The following FAM170A variants were observed in gnomAD, a reference collection of about 807,000 sequenced individuals.
FAM170A encodes the protein protein FAM170A.
A neutral mutation model predicts 36.6 loss-of-function variants in FAM170A; 28 were observed. The ratio of observed to expected loss-of-function variants is 0.76; its 90% CI spans 0.57 to 1.05. The LOEUF (loss-of-function observed/expected upper bound fraction) is 1.05. Among genes scored for constraint, FAM170A ranks in the 50% least tolerant of loss-of-function variants. FAM170A has a pLI of 0.00. For synonymous variants in FAM170A, 156 were observed against 143.9 expected, an observed-to-expected ratio of 1.08 and a Z score of -0.60; for missense variants, 434 against 396.5, an observed-to-expected ratio of 1.09 and a Z score of -0.80.
rs1756284274 is a variant in FAM170A, at chr5:119,632,854, C to T, written c.177C>T (p.Ser59=). The T allele has an allele frequency of 2.5e-6, 4 of 1,611,962 alleles. No individual in the cohort carries two copies. In the East Asian group the frequency reaches 8.9e-5, roughly 36 times the overall value. ...TTACTTCTACCTCCGAATACTGCTC[C>T]TGCGTTTCTTCTTCACGCAAGCTCA... Residue 59 remains serine (S), a synonymous_variant, in exon 2 of 5, where the codon TCC becomes TCT. Coordinates refer to ENST00000613773, the Ensembl canonical transcript of FAM170A.
chr5:119,632,759 T>A (rs1756280882), exon 2 of FAM170A: 1 of 1,601,138 alleles, frequency 6.2e-7, no homozygotes, highest in Admixed American at 1.7e-5. Flanking sequence ...AATGTCAAAG[T>A]CCCAAGAGGA....
intron 2 of FAM170A, 148 bp from the exon 3 acceptor site, chr5:119,633,812 C>T: frequency 9.7e-7 from 1 of 1,033,430 alleles, no homozygotes. Context: ...AATCACTACC[C>T]CACAATATGA....
chr5:119,632,906 C>A lies in FAM170A; in HGVS notation c.211+18C>A. The A allele has an allele frequency of 6.4e-7, 1 of 1,564,480 alleles. No individual in the cohort carries two copies. The highest frequency in any genetic ancestry group is 1.2e-5 in the South Asian group (1 of 84,872). ...CCACAGTGGTAAGGGTGCAGGGTTC[C>A]TTCGGCACGTGGCTCCTTGGCTGTG... On this transcript the variant is annotated intron_variant, in intron 2 of 4. Coordinates refer to ENST00000613773, the Ensembl canonical transcript of FAM170A.
intron 2 of FAM170A, 75 bp from the exon 3 acceptor site, chr5:119,633,885 A>G: frequency 6.5e-7 from 1 of 1,537,008 alleles, no homozygotes. Context: ...CCTGCACCAC[A>G]CATATTTAAC....
At chr5:119,631,295 G>A (rs1214322339) in intron 1 of FAM170A, among the ~76,000 whole-genome samples, 1 of 152,162 alleles carries the variant, frequency 6.6e-6, no homozygotes, top group Non-Finnish European at 1.5e-5. Flanking sequence ...GGCGTGGAGA[G>A]TAGGCATGGA....
chr5:119,634,442 G>T (rs1201866036), exon 3 of FAM170A: 2 of 1,614,058 alleles, frequency 1.2e-6, no homozygotes, highest in East Asian at 2.2e-5. Context: ...CAGGTGCATG[G>T]CCTGCTGCCG....
chr5:119,633,885 A>T, intron 2 of FAM170A, 75 bp from the exon 3 acceptor site: 2 of 1,537,008 alleles, frequency 1.3e-6, no homozygotes, highest in Non-Finnish European at 1.8e-6. Flanking sequence ...CCTGCACCAC[A>T]CATATTTAAC....
At chr5:119,630,453 G>A (rs1369009353) in intron 1 of FAM170A, among the ~76,000 whole-genome samples, 1 of 152,000 alleles carries the variant, frequency 6.6e-6, no homozygotes. Context: ...TTATAGGCGT[G>A]AGCCATCGCT....
exon 4 of FAM170A, chr5:119,635,042 G>A (rs1756349794): frequency 6.2e-7 from 1 of 1,613,988 alleles, no homozygotes; most frequent in African/African-American, 1.3e-5. Flanking sequence ...TGAGACTTAT[G>A]GGCCAGAAGA....
chr5:119,630,702 G>A (rs1312954673), intron 1 of FAM170A, among the ~76,000 whole-genome samples: 3 of 152,224 alleles, frequency 2.0e-5, no homozygotes, highest in African/African-American at 4.8e-5. Flanking sequence ...TCAGGCAGGC[G>A]GGGGACCCAC....
intron 1 of FAM170A, among the ~76,000 whole-genome samples, chr5:119,630,955 T>C (rs1278286265): frequency 1.3e-5 from 2 of 152,204 alleles, no homozygotes; most frequent in African/African-American, 4.8e-5. Context: ...GATGGCGTCA[T>C]AGTGAAACCA....
chr5:119,629,766 A>C (rs778161695), exon 1 of FAM170A: 2 of 1,612,554 alleles, frequency 1.2e-6, no homozygotes, highest in South Asian at 2.2e-5. Flanking sequence ...TCTAGCTGAT[A>C]TCATGAAACG....
intron 2 of FAM170A, among the ~76,000 whole-genome samples, chr5:119,633,653 C>G (rs1756305568): frequency 6.6e-6 from 1 of 152,036 alleles, no homozygotes; most frequent in Non-Finnish European, 1.5e-5. Context: ...CCACATTCCA[C>G]AAATAACACA....
exon 2 of FAM170A, chr5:119,632,797 G>A (rs779406661): frequency 7.7e-5 from 124 of 1,612,724 alleles, no homozygotes; most frequent in Non-Finnish European, 8.7e-5. Context: ...CCACTAGAGT[G>A]GCCAAAGGCT....
rs748383990 is a variant in FAM170A at position 119,629,765 on chromosome 5, TATC to T, written c.-1_2del. 6.2e-6 allele frequency: 10 copies of T among 1,612,378 alleles called. No homozygotes were observed. The South Asian group carries it at 1.1e-4, about 18-fold the overall frequency. On this transcript the variant is annotated 5_prime_UTR_variant, in exon 1 of 5. Transcript: ENST00000613773. ...ATCTTCTAGAAACTCTTCTAGCTGATATCATGAAACGACGACAAAAGAGGAAAC... is the reference window on the plus strand; with the variant it reads ...ATCTTCTAGAAACTCTTCTAGCTGATATGAAACGACGACAAAAGAGGAAAC...
chr5:119,631,223 C>T (rs1756243535), intron 1 of FAM170A, among the ~76,000 whole-genome samples: 1 of 152,164 alleles, frequency 6.6e-6, no homozygotes, highest in South Asian at 2.1e-4. Flanking sequence ...GCTTCTGCCC[C>T]GATTAGAGCT....
intron 4 of FAM170A, among the ~76,000 whole-genome samples, 186 bp downstream of exon 4, chr5:119,635,272 C>T (rs563900438): frequency 6.6e-6 from 1 of 152,320 alleles, no homozygotes; most frequent in South Asian, 2.1e-4. Context: ...AGAGCATTGA[C>T]TGGGAACTTT....
chr5:119,630,173 G>C (rs1397328917), intron 1 of FAM170A, among the ~76,000 whole-genome samples: 1 of 96,080 alleles, frequency 1.0e-5, no homozygotes, highest in Admixed American at 1.3e-4. Flanking sequence ...TTTCGTTTCT[G>C]AGACAGAGTC....
At chr5:119,632,985 C>G (rs769838574) in intron 2 of FAM170A, 97 bp downstream of exon 2, 2 of 1,369,906 alleles carry the variant, frequency 1.5e-6, no homozygotes, top group Middle Eastern at 2.3e-4. Context: ...GCATGAGACT[C>G]TTTGGTTGCA....
Sources: allele counts gnomAD v4.1 joint callset (sites outside exome capture counted in the v4.1 genomes callset), GRCh38; gene constraint gnomAD v4.1.1; transcripts MANE v1.5; gene names NCBI Gene and HGNC (gene_info 2026-07-23, HGNC 2026-07-21).